Variants in FASTKD3 observed in about 807,000 individuals in gnomAD.
FASTKD3 encodes the protein FAST kinase domains 3, also known as FAST kinase domain-containing protein 3, mitochondrial.
A neutral mutation model predicts 49.7 loss-of-function variants in FASTKD3; 47 were observed. The observed-to-expected ratio is 0.95, with a 90% CI of 0.75 to 1.21. FASTKD3 has a LOEUF of 1.21. FASTKD3 is among the 50% of genes most tolerant of loss of function. FASTKD3 has a pLI of 0.00. For synonymous variants in FASTKD3, 284 were observed against 288.6 expected, an observed-to-expected ratio of 0.98 and a Z score of 0.16; for missense variants, 748 against 765.7, an observed-to-expected ratio of 0.98 and a Z score of 0.27.
At chr5:7,866,124 G>C (rs1040878162) in intron 2 of FASTKD3, 141 bp from the exon 3 acceptor site, 2 of 629,904 alleles carry the variant, frequency 3.2e-6, no homozygotes, top group African/African-American at 3.6e-5. Context: ...GAACTTGTTA[G>C]AATTAATTAT....
In FASTKD3 at chr5:7,862,947, G is replaced by A. The variant is rs758607305; in HGVS notation, c.1575C>T (p.Cys525=). The change falls in exon 4 of 7, where the codon TGC becomes TGT. Residue 525 remains cysteine (C), a synonymous_variant. Coordinates refer to ENST00000264669, the MANE Select transcript of FASTKD3 (RefSeq NM_024091.4). ...AATCCACAGGGGTCTCCAGGGAACA[G>A]CATGGGGTAAGAAATGACTTCACTT... ...KYQVKSFLTP[C]CSLETPVDSQ... The A allele has an allele frequency of 3.7e-6, 6 of 1,614,020 alleles. No individual in the cohort carries two copies. The highest frequency in any genetic ancestry group is 5.1e-6 in the Non-Finnish European group (6 of 1,179,910).
intron 3 of FASTKD3, among the ~76,000 whole-genome samples, chr5:7,865,430 T>G (rs1746874194): frequency 6.6e-6 from 1 of 152,176 alleles, no homozygotes; most frequent in Non-Finnish European, 1.5e-5. Flanking sequence ...GGATAAATCT[T>G]TATAGGTCTT....
Position 7,867,905 on chromosome 5 carries a change from G to A in FASTKD3, c.179C>T (p.Ala60Val). The A allele has an allele frequency of 6.2e-7, 1 of 1,614,124 alleles. No individual in the cohort carries two copies. Among genetic ancestry groups the A allele is most frequent in the South Asian group, 1.1e-5 (1 of 91,064 alleles). ...PEPFGVKFHH[A>V]HCKKFHSKNG... ...TTTCGAATGAAACTTTTTACAATGG[G>A]CATGATGGAATTTGACCCCGAAAGG... The change falls in exon 2 of 7, where the codon GCC becomes GTC. Residue 60 changes from alanine (A) to valine (V), a missense_variant. Physicochemically the swap from Ala to Val is moderately conservative, Grantham distance 64. This residue lies in a region of FASTKD3 where 564 missense variants were observed against 562.8 expected (regional missense o/e 1.00). Coordinates refer to ENST00000264669, the MANE Select transcript of FASTKD3 (RefSeq NM_024091.4).
chr5:7,861,555 A>G, intron 5 of FASTKD3, 28 bp downstream of exon 5: 2 of 1,510,544 alleles, frequency 1.3e-6, no homozygotes, highest in Non-Finnish European at 1.8e-6. Flanking sequence ...GAGTCTTGTA[A>G]TGTGAAAAAC....
chr5:7,867,902 T>C lies in FASTKD3; in HGVS notation c.182A>G (p.His61Arg). ...EPFGVKFHHAHCKKFHSKNGN... is the reference protein window; with the variant it reads ...EPFGVKFHHARCKKFHSKNGN... ...ATTTTTCGAATGAAACTTTTTACAA[T>C]GGGCATGATGGAATTTGACCCCGAA... Residue 61 changes from histidine to arginine, a missense_variant, in exon 2 of 7, where the codon CAT (histidine) becomes CGT (arginine). Physicochemically the swap from His to Arg is conservative, Grantham distance 29 (BLOSUM62 0). Coordinates refer to ENST00000264669, the MANE Select transcript of FASTKD3 (RefSeq NM_024091.4). 1 of 1,614,082 alleles carries C rather than the reference T, an allele frequency of 6.2e-7. No homozygotes were observed. The highest frequency in any genetic ancestry group is 8.5e-7 in the Non-Finnish European group (1 of 1,180,014).
In FASTKD3 at chr5:7,863,000, A is replaced by T. The variant is rs1258314177; in HGVS notation, c.1525-3T>A. The T allele has an allele frequency of 6.2e-7, 1 of 1,609,130 alleles. No individual in the cohort carries two copies. Among genetic ancestry groups the T allele is most frequent in the Non-Finnish European group, 8.5e-7 (1 of 1,177,150 alleles). ...TATTTAGGAAGGAGTTTTGGACCCT[A>T]AAAAATCATAAGTGCAAATGTGAGA... is the stretch of plus-strand genomic sequence containing the variant. On this transcript the variant is annotated splice_region_variant and splice_polypyrimidine_tract_variant and intron_variant, in intron 3 of 6. Transcript: ENST00000264669.
chr5:7,867,479 G>A lies in FASTKD3; in HGVS notation c.605C>T (p.Ala202Val). The A allele has an allele frequency of 1.2e-6, 2 of 1,614,202 alleles. No homozygotes were observed. Among genetic ancestry groups the A allele is most frequent in the African/African-American group, 1.3e-5 (1 of 75,048 alleles). ...TTTTCTGAGACGATTTTGGCATTCT[G>A]CCACCAGGTTCAGCAACAGGCTACT... ...PQSSLLLNLV[A>V]ECQNRLRKGG... is the part of the protein sequence containing the mutation. The change falls in exon 2 of 7, where the codon GCA becomes GTA. Residue 202 changes from alanine (A) to valine (V), a missense_variant. Around this residue, in one of 3 missense-constraint regions of FASTKD3, gnomAD observed 564 missense variants for 562.8 expected, o/e 1.00. Transcript: ENST00000264669.
intron 6 of FASTKD3, 24 bp downstream of exon 6, chr5:7,861,125 C>CA (rs747919091): frequency 6.5e-5 from 94 of 1,435,578 alleles, no homozygotes; most frequent in South Asian, 8.6e-5. Flanking sequence ...TTTTGGGAAA[C>CA]AAAAAAAATA....
chr5:7,863,139 T>G, intron 3 of FASTKD3, 142 bp from the exon 4 acceptor site: 1 of 707,364 alleles, frequency 1.4e-6, no homozygotes, highest in South Asian at 1.7e-5. Context: ...GACAGGCATC[T>G]CTCTCAAAAT....
Position 7,859,489 on chromosome 5 carries a change from T to C in FASTKD3, c.1935A>G (p.Glu645=). 1.2e-6 allele frequency: 2 copies of C among 1,607,304 alleles called. No individual in the cohort carries two copies. Among genetic ancestry groups the C allele is most frequent in the Non-Finnish European group, 8.5e-7 (1 of 1,176,826 alleles). The change falls in exon 7 of 7, where the codon GAA becomes GAG. Residue 645 remains glutamate (E), a synonymous_variant. Transcript: ENST00000264669. The stretch of plus-strand genomic sequence containing the variant: ...GAGAAAACAGTTTTCTTTGTAAATA[T>C]TCCACCAATTCACGTCTTGATTTTA... ...GMLKSRRELV[E]YLQRKLFSQN...
In FASTKD3 at chr5:7,859,483, TA is replaced by T. The variant is rs768619881; in HGVS notation, c.1940del (p.Leu647TyrfsTer19). On this transcript the variant is annotated frameshift_variant, in exon 7 of 7. Transcript: ENST00000264669. LOFTEE classifies it high-confidence loss of function. ...TGTTTTGAGAAAACAGTTTTCTTTG[TA>T]AATATTCCACCAATTCACGTCTTGA... Reference protein sequence around the residue: ...LKSRRELVEYLQRKLFSQNTV... With the variant: ...LKSRRELVEYXQRKLFSQNTV... 13 of 1,607,190 alleles carry T rather than the reference TA, an allele frequency of 8.1e-6. No homozygotes were observed. The highest frequency in any genetic ancestry group is 1.7e-6 in the Non-Finnish European group (2 of 1,176,906).
intron 1 of FASTKD3, 49 bp downstream of exon 1, chr5:7,868,930 T>C: frequency 1.5e-6 from 1 of 654,142 alleles, no homozygotes; most frequent in Non-Finnish European, 2.8e-6. Flanking sequence ...GGCCAGGTCT[T>C]TGACACCCAG....
Position 7,866,979 on chromosome 5 carries a change from C to G in FASTKD3, c.1105G>C (p.Glu369Gln), listed in dbSNP as rs769989253. ...VAAVCLTLDP[E>Q]VVCRVMEYCS... ...TACTCCATGACCCTGCAGACAACTT[C>G]AGGATCCAACGTGAGGCACACCGCA... is the stretch of plus-strand genomic sequence containing the variant. Residue 369 changes from glutamate (E) to glutamine (Q), a missense_variant, in exon 2 of 7, where the codon GAA becomes CAA. Around this residue, in one of 3 missense-constraint regions of FASTKD3, gnomAD observed 564 missense variants for 562.8 expected, o/e 1.00. Coordinates refer to ENST00000264669, the MANE Select transcript of FASTKD3 (RefSeq NM_024091.4). 1.9e-6 allele frequency: 3 copies of G among 1,614,120 alleles called. No homozygotes were observed. Among genetic ancestry groups the G allele is most frequent in the Admixed American group, 1.7e-5 (1 of 60,026 alleles).
In FASTKD3 at chr5:7,866,884, T is replaced by C. The variant is rs1746995211; in HGVS notation, c.1200A>G (p.Thr400=). ...AAATCTGACGAGGTGAAAATTTTTCTGTTTGGCAAACAAAAGTTTCTGCCA... is the reference window on the plus strand; with the variant it reads ...AAATCTGACGAGGTGAAAATTTTTCCGTTTGGCAAACAAAAGTTTCTGCCA... ...NAVAETFVCQ[T]EKFSPRQISA... is the part of the protein sequence containing the mutation. Residue 400 remains threonine (T), a synonymous_variant, in exon 2 of 7, where the codon ACA becomes ACG. Coordinates refer to ENST00000264669, the MANE Select transcript of FASTKD3 (RefSeq NM_024091.4). 6.2e-7 allele frequency: 1 copy of C among 1,614,026 alleles called. No homozygotes were observed. The highest frequency in any genetic ancestry group is 8.5e-7 in the Non-Finnish European group (1 of 1,180,028).
rs1276486807 is a variant in FASTKD3, at chr5:7,867,316, A to G, written c.768T>C (p.Ile256=). 1.3e-5 allele frequency: 21 copies of G among 1,613,792 alleles called. No homozygotes were observed. Among genetic ancestry groups the G allele is most frequent in the Admixed American group, 5.0e-5 (3 of 60,002 alleles). The change falls in exon 2 of 7, where the codon ATT becomes ATC. Residue 256 remains isoleucine, a synonymous_variant. Coordinates refer to ENST00000264669, the MANE Select transcript of FASTKD3 (RefSeq NM_024091.4). ...CCTGCAAGATTCTATAAAGGGCCAC[A>G]ATATCCTCCGGGGTAAATGTTTCCA... The part of the protein sequence containing the change: ...EKLETFTPED[I]VALYRILQAC...
chr5:7,861,723 T>C, intron 4 of FASTKD3, 71 bp from the exon 5 acceptor site: 1 of 1,544,344 alleles, frequency 6.5e-7, no homozygotes, highest in Non-Finnish European at 8.7e-7. Context: ...TATTCATTCC[T>C]TTGCTTTGCT....
Position 7,866,989 on chromosome 5 carries a change from C to T in FASTKD3, c.1095G>A (p.Thr365=), listed in dbSNP as rs773592462. The change falls in exon 2 of 7, where the codon ACG becomes ACA. Residue 365 remains threonine, a synonymous_variant. Transcript: ENST00000264669. ...CCCTGCAGACAACTTCAGGATCCAA[C>T]GTGAGGCACACCGCAGCTACACGAT... ...LEHRVAAVCL[T]LDPEVVCRVM... 46 of 1,614,014 alleles carry T rather than the reference C, an allele frequency of 2.9e-5. No individual in the cohort carries two copies. Among genetic ancestry groups the T allele is most frequent in the African/African-American group, 8.0e-5 (6 of 74,896 alleles).
Position 7,866,006 on chromosome 5 carries a change from C to T in FASTKD3, c.1439-23G>A, listed in dbSNP as rs755304751. On this transcript the variant is annotated intron_variant, in intron 2 of 6. Coordinates refer to ENST00000264669, the MANE Select transcript of FASTKD3 (RefSeq NM_024091.4). ...TACCTGAAACAGAAAGCATCCCAGT[C>T]ATAGTTACGTCTGAATTGAGGTATG... 2.5e-6 allele frequency: 4 copies of T among 1,581,306 alleles called. No homozygotes were observed. The South Asian group carries it at 4.5e-5, about 18-fold the overall frequency.
Position 7,862,908 on chromosome 5 carries a change from T to C in FASTKD3, c.1614A>G (p.Arg538=), listed in dbSNP as rs200140125. ...GGTTAGTCAGCCCAATCTTCACATA[T>C]CTATAAAGCTGAGAATCCACAGGGG... ...LETPVDSQLY[R]YVKIGLTNLL... Residue 538 remains arginine, a synonymous_variant, in exon 4 of 7, where the codon AGA becomes AGG. Transcript: ENST00000264669. 7.4e-6 allele frequency: 12 copies of C among 1,614,030 alleles called. No individual in the cohort carries two copies. Among genetic ancestry groups the C allele is most frequent in the Non-Finnish European group, 8.5e-7 (1 of 1,179,948 alleles).
Sources: gnomAD v4.1 joint callset for allele counts (sites outside exome capture counted in the v4.1 genomes callset) on GRCh38, gnomAD v4.1.1 for gene constraint, gnomAD v4.1.1 regional missense constraint, MANE v1.5 for transcripts, NCBI Gene and HGNC (gene_info 2026-07-23, HGNC 2026-07-21) for gene names.